DMXL2: variants seen among roughly 807,000 people sequenced by gnomAD.
DMXL2 encodes the protein Dmx like 2, also known as dmX-like protein 2.
A neutral mutation model predicts 331.1 loss-of-function variants in DMXL2; 103 were observed. The observed-to-expected ratio is 0.31, with a 90% CI of 0.27 to 0.37. The LOEUF (loss-of-function observed/expected upper bound fraction) is 0.37, where lower values mean the gene tolerates loss of function less well. Ranked by LOEUF, DMXL2 falls within the 10% of genes least tolerant of loss-of-function variation. The pLI, the probability that DMXL2 is intolerant of heterozygous loss-of-function variation, is 1.00. For missense variants in DMXL2, 3,171 were observed against 3,642.9 expected, an observed-to-expected ratio of 0.87 and a Z score of 3.33; for synonymous variants, 1,281 against 1,252.1, an observed-to-expected ratio of 1.02 and a Z score of -0.49.
At chr15:51,519,157 T>C in intron 13 of DMXL2, among the ~76,000 whole-genome samples, 1 of 152,130 alleles carries the variant, frequency 6.6e-6, no homozygotes, top group South Asian at 2.1e-4. Flanking sequence ...TTTTAATGGT[T>C]AACATTCTTC....
chr15:51,501,242 A>G (rs967598024), intron 17 of DMXL2, among the ~76,000 whole-genome samples: 7 of 152,176 alleles, frequency 4.6e-5, no homozygotes, highest in Non-Finnish European at 1.0e-4. Flanking sequence ...ACCTATACTG[A>G]ATATCATTCA....
intron 2 of DMXL2, among the ~76,000 whole-genome samples, chr15:51,569,230 C>A (rs2050495038): frequency 6.6e-6 from 1 of 152,154 alleles, no homozygotes; most frequent in South Asian, 2.1e-4. Context: ...TGAGGTTGAC[C>A]TGGGACACTC....
intron 1 of DMXL2, among the ~76,000 whole-genome samples, chr15:51,621,100 A>G (rs1445374222): frequency 2.3e-5 from 1 of 42,558 alleles, no homozygotes. Flanking sequence ...TATCCCCAAA[A>G]ACCAAGATTC....
At chr15:51,522,244 T>C (rs2047419070) in intron 13 of DMXL2, among the ~76,000 whole-genome samples, 1 of 152,222 alleles carries the variant, frequency 6.6e-6, no homozygotes, top group Non-Finnish European at 1.5e-5. Flanking sequence ...CATTAACTAT[T>C]ACTAATGCCT....
At chr15:51,551,563 T>C (rs1334609777) in intron 6 of DMXL2, among the ~76,000 whole-genome samples, 1 of 152,076 alleles carries the variant, frequency 6.6e-6, no homozygotes, top group African/African-American at 2.4e-5. Flanking sequence ...AAGAGCCACA[T>C]TTCACTCTAA....
At position 51,568,521 on chromosome 15, in the gene DMXL2, T is replaced by C; in HGVS notation, c.251A>G (p.Glu84Gly). Residue 84 changes from glutamate (E) to glycine (G), a missense_variant, in exon 3 of 44, where the codon GAG (glutamate) becomes GGG (glycine). By Grantham distance (98) the Glu-to-Gly change is moderately conservative (BLOSUM62 -2). Around this residue, in one of 7 missense-constraint regions of DMXL2, gnomAD observed 1,674 missense variants for 1,780.2 expected, o/e 0.94. Transcript: ENST00000560891. Reference protein sequence around the residue: ...ASYGNAVCIFEPLGINSHKRN... With the variant: ...ASYGNAVCIFGPLGINSHKRN... Reference sequence around the variant, plus strand: ...TTTATGAGAATTTATGCCCAAGGGCTCAAATATACAAACAGCATTACCATA... The same window carrying C: ...TTTATGAGAATTTATGCCCAAGGGCCCAAATATACAAACAGCATTACCATA... The C allele has an allele frequency of 1.3e-6, 2 of 1,579,812 alleles. No homozygotes were observed. Among genetic ancestry groups the C allele is most frequent in the Non-Finnish European group, 1.7e-6 (2 of 1,169,650 alleles).
At chr15:51,568,610 TA>T (rs2050449223) in intron 2 of DMXL2, 52 bp from the exon 3 acceptor site, 2 of 1,165,010 alleles carry the variant, frequency 1.7e-6, no homozygotes, top group Admixed American at 5.0e-5. Context: ...AAAATAAAGA[TA>T]TCTTCCTTTT....
chr15:51,453,504 T>G, intron 41 of DMXL2, 46 bp downstream of exon 41: 2 of 1,446,142 alleles, frequency 1.4e-6, no homozygotes, highest in Non-Finnish European at 1.9e-6. Flanking sequence ...AAGGTATGGA[T>G]TTCTAACGTT....
intron 13 of DMXL2, among the ~76,000 whole-genome samples, chr15:51,525,825 T>C (rs1342493784): frequency 6.6e-6 from 1 of 152,022 alleles, no homozygotes; most frequent in Admixed American, 6.6e-5. Flanking sequence ...CTCTGCTCCC[T>C]ACCTCCCAGA....
chr15:51,453,674 T>TA (rs1200716845), intron 40 of DMXL2, 33 bp from the exon 41 acceptor site: 7 of 1,565,726 alleles, frequency 4.5e-6, no homozygotes, highest in Non-Finnish European at 6.2e-6. Context: ...GATGTTATTT[T>TA]ACCATTGGAT....
At chr15:51,598,578 C>T (rs573414224) in intron 1 of DMXL2, among the ~76,000 whole-genome samples, 1 of 152,186 alleles carries the variant, frequency 6.6e-6, no homozygotes, top group African/African-American at 2.4e-5. Context: ...ATTCTTCACT[C>T]TTTCTTTGTC....
intron 1 of DMXL2, among the ~76,000 whole-genome samples, chr15:51,593,286 T>G (rs898461952): frequency 2.6e-5 from 4 of 152,036 alleles, no homozygotes; most frequent in African/African-American, 9.7e-5. Flanking sequence ...TAAAACAGAC[T>G]TTAAACCAAC....
intron 16 of DMXL2, 67 bp from the exon 17 acceptor site, chr15:51,503,100 T>C: frequency 9.5e-7 from 1 of 1,050,078 alleles, no homozygotes; most frequent in African/African-American, 1.6e-5. Flanking sequence ...AGCTAGAATA[T>C]TACTTTGTTA....
chr15:51,590,786 C>A (rs1216534378), intron 1 of DMXL2, among the ~76,000 whole-genome samples: 6 of 152,172 alleles, frequency 3.9e-5, no homozygotes, highest in African/African-American at 1.4e-4. Context: ...CTAGACCAGG[C>A]ACACAGGGCA....
rs1040229896 is a variant in DMXL2 at position 51,622,447 on chromosome 15, G to T, written c.87+12C>A. ...CTGGTATCTTCCCCTAGGGCTCCCGGCCGCCGCTCACCGTGAAGGGGACAT... is the reference window on the plus strand; with the variant it reads ...CTGGTATCTTCCCCTAGGGCTCCCGTCCGCCGCTCACCGTGAAGGGGACAT... On this transcript the variant is annotated intron_variant, in intron 1 of 43. Coordinates refer to ENST00000560891, the MANE Select transcript of DMXL2 (RefSeq NM_001378457.1). The T allele has an allele frequency of 4.5e-6, 7 of 1,556,164 alleles. No individual in the cohort carries two copies. The highest frequency in any genetic ancestry group is 6.1e-6 in the Non-Finnish European group (7 of 1,149,624).
chr15:51,455,547 T>G (rs1874662079), intron 39 of DMXL2, among the ~76,000 whole-genome samples: 1 of 152,194 alleles, frequency 6.6e-6, no homozygotes, highest in South Asian at 2.1e-4. Context: ...TAGAGGCACA[T>G]GCCTGGGCTT....
chr15:51,589,546 T>A (rs142581268), intron 1 of DMXL2, among the ~76,000 whole-genome samples: 1 of 152,104 alleles, frequency 6.6e-6, no homozygotes, highest in African/African-American at 2.4e-5. Context: ...GCCATGAAAT[T>A]AGGGTAAGGA....
In DMXL2 at chr15:51,456,108, A is replaced by G. The variant is rs2039595705; in HGVS notation, c.8484T>C (p.Asn2828=). 6.2e-7 allele frequency: 1 copy of G among 1,614,194 alleles called. No homozygotes were observed. Among genetic ancestry groups the G allele is most frequent in the Non-Finnish European group, 8.5e-7 (1 of 1,180,034 alleles). Residue 2828 remains asparagine (N), a synonymous_variant, in exon 39 of 44, where the codon AAT becomes AAC. Transcript: ENST00000560891. ...TAAAATATAATCTAGTAACTCTTGCATTGCCAGCTTGACGAAAGCAGACAA... is the reference window on the plus strand; with the variant it reads ...TAAAATATAATCTAGTAACTCTTGCGTTGCCAGCTTGACGAAAGCAGACAA... ...QQLVCFRQAG[N]ARVTRLYFNS... is the part of the protein sequence containing the mutation.
intron 23 of DMXL2, among the ~76,000 whole-genome samples, chr15:51,482,718 T>G (rs2042103681): frequency 6.6e-6 from 1 of 152,142 alleles, no homozygotes; most frequent in African/African-American, 2.4e-5. Context: ...CAAGAAATAA[T>G]GCCAGAAGAA....
Sources: gnomAD v4.1 joint callset for allele counts (sites outside exome capture counted in the v4.1 genomes callset) on GRCh38, gnomAD v4.1.1 for gene constraint, gnomAD v4.1.1 regional missense constraint, MANE v1.5 for transcripts, NCBI Gene and HGNC (gene_info 2026-07-23, HGNC 2026-07-21) for gene names.